PPP2R5E: variants seen among roughly 807,000 people sequenced by gnomAD.
PPP2R5E encodes the protein serine/threonine-protein phosphatase 2A 56 kDa regulatory subunit epsilon isoform.
In PPP2R5E, 4 loss-of-function variants were observed where a neutral mutation model predicts 65.3. The ratio of observed to expected loss-of-function variants is 0.06; its 90% CI spans 0.03 to 0.14. The LOEUF is 0.14. Ranked by LOEUF, PPP2R5E falls within the 10% of genes least tolerant of loss-of-function variation. PPP2R5E has a pLI of 1.00. For synonymous variants in PPP2R5E, 183 were observed against 187.4 expected (o/e 0.98, Z 0.19); for missense variants, 274 against 556.1 (o/e 0.49, Z 5.10).
chr14:63,499,971 G>A (rs1304572123), intron 2 of PPP2R5E, among the ~76,000 whole-genome samples: 3 of 152,080 alleles, frequency 2.0e-5, no homozygotes, highest in African/African-American at 7.2e-5. Context: ...ATCCTAATCT[G>A]GATTTGACTC....
intron 2 of PPP2R5E, among the ~76,000 whole-genome samples, chr14:63,484,166 G>T (rs1016206550): frequency 2.0e-5 from 3 of 152,102 alleles, no homozygotes; most frequent in Middle Eastern, 3.4e-3. Flanking sequence ...GAGATGATGG[G>T]GCCACTCCCT....
At chr14:63,392,830 G>C (rs1412606831) in intron 8 of PPP2R5E, among the ~76,000 whole-genome samples, 1 of 152,204 alleles carries the variant, frequency 6.6e-6, no homozygotes, top group Admixed American at 6.5e-5. Flanking sequence ...CCCAATGGGG[G>C]GAAGAGGGAG....
intron 2 of PPP2R5E, among the ~76,000 whole-genome samples, chr14:63,496,437 C>CT (rs1368622013): frequency 8.1e-6 from 1 of 124,094 alleles, no homozygotes; most frequent in Non-Finnish European, 1.6e-5. Context: ...GAGTAAGACT[C>CT]TGTCTCAAAA....
chr14:63,416,356 T>C (rs1886682425), intron 4 of PPP2R5E, among the ~76,000 whole-genome samples: 1 of 152,224 alleles, frequency 6.6e-6, no homozygotes, highest in Non-Finnish European at 1.5e-5. Flanking sequence ...CCTAACTCTT[T>C]TCCTTACTAA....
At position 63,371,689 on chromosome 14, in the gene PPP2R5E, T is replaced by C. The variant is rs1476381703; in HGVS notation, c.*4320A>G. 6.6e-6 allele frequency: 1 copy of C among 152,118 alleles called. No homozygotes were observed. Among genetic ancestry groups the C allele is most frequent in the Non-Finnish European group, 1.5e-5 (1 of 68,014 alleles). 9.4% of individuals were successfully genotyped at this position (152,118 alleles called of 1,614,324 possible). ...TATAATTTTCATATGCAACTTTTCA[T>C]ATCAAAAATGTTTCATTTTTACCTC... On this transcript the variant is annotated 3_prime_UTR_variant, in exon 14 of 14. Coordinates refer to ENST00000337537, the MANE Select transcript of PPP2R5E (RefSeq NM_006246.5).
At chr14:63,417,053 T>C (rs1362970001) in intron 4 of PPP2R5E, among the ~76,000 whole-genome samples, 3 of 152,232 alleles carry the variant, frequency 2.0e-5, no homozygotes, top group African/African-American at 4.8e-5. Context: ...ATCAATGAAC[T>C]TTTCATACTT....
chr14:63,500,158 T>C (rs761004846), intron 2 of PPP2R5E, among the ~76,000 whole-genome samples: 1 of 152,226 alleles, frequency 6.6e-6, no homozygotes, highest in Admixed American at 6.5e-5. Context: ...TAGGAACATA[T>C]TGTCTCCCCT....
intron 12 of PPP2R5E, 44 bp downstream of exon 12, chr14:63,384,400 G>A: frequency 6.3e-7 from 1 of 1,581,456 alleles, no homozygotes; most frequent in Non-Finnish European, 8.7e-7. Flanking sequence ...GAAAGAAAGA[G>A]AGGAAGGGAG....
intron 2 of PPP2R5E, among the ~76,000 whole-genome samples, chr14:63,500,954 C>A (rs1182751196): frequency 6.6e-6 from 1 of 152,140 alleles, no homozygotes; most frequent in African/African-American, 2.4e-5. Context: ...CAAGTGCTTT[C>A]CACATGTTAA....
chr14:63,506,214 G>T (rs1008801987), intron 2 of PPP2R5E, among the ~76,000 whole-genome samples: 15 of 152,142 alleles, frequency 9.9e-5, no homozygotes, highest in African/African-American at 3.6e-4. Context: ...ACTTTGGGAG[G>T]CCGCGGCGGG....
At chr14:63,511,463 C>T (rs1892450255) in intron 2 of PPP2R5E, among the ~76,000 whole-genome samples, 2 of 152,156 alleles carry the variant, frequency 1.3e-5, no homozygotes, top group African/African-American at 4.8e-5. Context: ...AGAACCATCA[C>T]ATAGCTGAGC....
chr14:63,503,633 G>C lies in PPP2R5E; in HGVS notation c.157+35896C>G, dbSNP rs116683028. ...CACTGCAAGGAAGACAGTTGTTTTA[G>C]ATGTTCTGTTTCAATACTCCCTACT... is the stretch of plus-strand genomic sequence containing the variant. On this transcript the variant is annotated intron_variant, in intron 2 of 13. Coordinates refer to ENST00000337537, the MANE Select transcript of PPP2R5E (RefSeq NM_006246.5). 3.9e-3 allele frequency among the ~76,000 whole-genome samples: 587 copies of C among 152,306 alleles called. 4 individuals are homozygous for C. Among genetic ancestry groups the C allele is most frequent in the African/African-American group, 0.013 (561 of 41,560 alleles).
chr14:63,447,534 C>T (rs1017727654), intron 3 of PPP2R5E, among the ~76,000 whole-genome samples: 2 of 152,216 alleles, frequency 1.3e-5, no homozygotes, highest in East Asian at 3.8e-4. Context: ...GCATAAGGAA[C>T]GTTGTGGCTG....
chr14:63,527,958 G>C (rs1290192032), intron 2 of PPP2R5E, among the ~76,000 whole-genome samples: 2 of 151,690 alleles, frequency 1.3e-5, no homozygotes, highest in East Asian at 3.9e-4. Context: ...GCTTCTAATG[G>C]TGGACTCAGA....
At chr14:63,399,045 G>T (rs953239805) in intron 5 of PPP2R5E, among the ~76,000 whole-genome samples, 1 of 152,114 alleles carries the variant, frequency 6.6e-6, no homozygotes, top group Non-Finnish European at 1.5e-5. Flanking sequence ...GAAAACACAT[G>T]TCCACACAAA....
chr14:63,407,587 A>T (rs1327229313), intron 5 of PPP2R5E, among the ~76,000 whole-genome samples: 7 of 152,226 alleles, frequency 4.6e-5, no homozygotes, highest in Non-Finnish European at 8.8e-5. Flanking sequence ...TCTAAAAAAT[A>T]GGAAGTGAAG....
chr14:63,376,005 T>C lies in PPP2R5E; in HGVS notation c.*4A>G. On this transcript the variant is annotated 3_prime_UTR_variant, in exon 14 of 14. Coordinates refer to ENST00000337537, the MANE Select transcript of PPP2R5E (RefSeq NM_006246.5). Reference sequence around the variant, plus strand: ...GGTTAGTAATGTTGTTGTCATTGTTTTTGTTAAGTTGGAATTATTCCATCA... The same window carrying C: ...GGTTAGTAATGTTGTTGTCATTGTTCTTGTTAAGTTGGAATTATTCCATCA... 1.3e-6 allele frequency: 2 copies of C among 1,567,692 alleles called. No homozygotes were observed. The highest frequency in any genetic ancestry group is 1.8e-6 in the Non-Finnish European group (2 of 1,138,926).
chr14:63,419,540 C>T (rs1489305305), intron 4 of PPP2R5E, among the ~76,000 whole-genome samples: 1 of 151,560 alleles, frequency 6.6e-6, no homozygotes, highest in Admixed American at 6.6e-5. Context: ...CCACCTAACA[C>T]TGAAAATGGA....
At chr14:63,500,089 T>C (rs187855851) in intron 2 of PPP2R5E, among the ~76,000 whole-genome samples, 1 of 152,350 alleles carries the variant, frequency 6.6e-6, no homozygotes, top group East Asian at 1.9e-4. Context: ...CCTCAGCAGT[T>C]TTCCCATCTA....
Sources: allele counts gnomAD v4.1 joint callset (sites outside exome capture counted in the v4.1 genomes callset), GRCh38; gene constraint gnomAD v4.1.1; transcripts MANE v1.5; gene names NCBI Gene and HGNC (gene_info 2026-07-23, HGNC 2026-07-21).